PRPF8: variants seen among roughly 807,000 people sequenced by gnomAD.
PRPF8 encodes pre-mRNA-processing-splicing factor 8.
A neutral mutation model predicts 285.9 loss-of-function variants in PRPF8; 64 were observed. The ratio of observed to expected loss-of-function variants is 0.22; its 90% CI spans 0.18 to 0.28. The LOEUF is 0.28. PRPF8 is among the 10% of genes least tolerant of loss of function. The pLI, the probability that PRPF8 is intolerant of heterozygous loss-of-function variation, is 1.00. For synonymous variants in PRPF8, 1,325 were observed against 1,118.2 expected (o/e 1.18, Z -3.69); for missense variants, 1,426 against 3,026.7 (o/e 0.47, Z 12.41).
intron 24 of PRPF8, among the ~76,000 whole-genome samples, chr17:1,668,368 T>C (rs934868493): frequency 6.9e-6 from 1 of 145,542 alleles, no homozygotes. Flanking sequence ...TTTTTTTTTT[T>C]TTTTTTTTTT....
Position 1,650,791 on chromosome 17 carries a change from C to A in PRPF8, c.*11G>T, listed in dbSNP as rs767915818. The A allele has an allele frequency of 5.5e-5, 88 of 1,613,642 alleles. No individual in the cohort carries two copies. Among genetic ancestry groups the A allele is most frequent in the Middle Eastern group, 5.2e-4 (3 of 5,786 alleles). ...GGCCTCGGGAGGCTGAAGCAGGAGG[C>A]AGGGAAACGGTCAGGCATACAGGTC... On this transcript the variant is annotated 3_prime_UTR_variant, in exon 43 of 43. Transcript: ENST00000304992.
At position 1,675,850 on chromosome 17, in the gene PRPF8, A is replaced by G; in HGVS notation, c.2680-38T>C. 1 of 1,606,042 alleles carries G rather than the reference A, an allele frequency of 6.2e-7. No homozygotes were observed. The highest frequency in any genetic ancestry group is 8.5e-7 in the Non-Finnish European group (1 of 1,178,634). ...GAGGCTGGTTCACACCAATCCACCA[A>G]CTGCTACCTTTGGTAGAACCAAAGG... is the stretch of plus-strand genomic sequence containing the variant. On this transcript the variant is annotated intron_variant, in intron 18 of 42. Transcript: ENST00000304992. This position sits in a 1 kb window ranked among gnomAD's most constrained non-coding sequence, Gnocchi z 6.0.
chr17:1,669,267 T>C (rs1434377073), intron 24 of PRPF8, among the ~76,000 whole-genome samples: 16 of 152,038 alleles, frequency 1.1e-4, no homozygotes, highest in Admixed American at 9.2e-4. Context: ...CCACCGCGCC[T>C]GGCTAATTTT....
At chr17:1,657,114 C>T (rs1238580915) in intron 34 of PRPF8, among the ~76,000 whole-genome samples, 1 of 152,168 alleles carries the variant, frequency 6.6e-6, no homozygotes, top group Non-Finnish European at 1.5e-5. Context: ...GAGGGGAGTT[C>T]ATTCTAGAAA....
intron 36 of PRPF8, 65 bp downstream of exon 36, chr17:1,656,327 C>A (rs1365774564): frequency 1.2e-6 from 2 of 1,601,060 alleles, no homozygotes; most frequent in South Asian, 1.1e-5. Context: ...AAACCTGACA[C>A]AGGATCTTCT....
rs1162009923 is a variant in PRPF8, at chr17:1,650,814, G to A, written c.6996C>T (p.Asp2332=). 2 of 1,614,060 alleles carry A rather than the reference G, an allele frequency of 1.2e-6. No homozygotes were observed. Among genetic ancestry groups the A allele is most frequent in the East Asian group, 2.2e-5 (1 of 44,876 alleles). ...EGEVYSADRE[D]LYA ...GGCAGGGAAACGGTCAGGCATACAG[G>A]TCCTCCCGATCCGCAGAGTAAACCT... Residue 2332 remains aspartate, a synonymous_variant, in exon 43 of 43, where the codon GAC becomes GAT. Coordinates refer to ENST00000304992, the MANE Select transcript of PRPF8 (RefSeq NM_006445.4).
In PRPF8 at chr17:1,674,630, G is replaced by A. The variant is rs2151126908; in HGVS notation, c.3111C>T (p.Ala1037=). The A allele has an allele frequency of 1.2e-6, 2 of 1,614,106 alleles. No homozygotes were observed. The highest frequency in any genetic ancestry group is 8.5e-7 in the Non-Finnish European group (1 of 1,180,036). Residue 1037 remains alanine (A), a synonymous_variant, in exon 21 of 43, where the codon GCC becomes GCT. Coordinates refer to ENST00000304992, the MANE Select transcript of PRPF8 (RefSeq NM_006445.4). ...GGCCATAATACTGCACGATGAATGA[G>A]GCAAACTGCAGGCCTCTGATGATCC... is the stretch of plus-strand genomic sequence containing the variant. ...SYGIIRGLQF[A]SFIVQYYGLV... is the part of the protein sequence containing the mutation.
chr17:1,670,688 T>C (rs1296454257), intron 24 of PRPF8, among the ~76,000 whole-genome samples: 2 of 152,320 alleles, frequency 1.3e-5, no homozygotes, highest in Middle Eastern at 3.4e-3. Context: ...GGTTTCCCCA[T>C]GTTGGTCAGG....
intron 3 of PRPF8, 138 bp downstream of exon 3, chr17:1,683,395 A>G (rs575180621): frequency 1.1e-6 from 1 of 938,586 alleles, no homozygotes; most frequent in Non-Finnish European, 1.7e-6. Context: ...TGTAGAAATT[A>G]TCAGAGACTC....
chr17:1,684,621 G>A (rs1913139272), intron 1 of PRPF8, 39 bp from the exon 2 acceptor site: 2 of 1,590,388 alleles, frequency 1.3e-6, no homozygotes, highest in Non-Finnish European at 1.7e-6. Context: ...CTAACCACAG[G>A]CCCGGGCCCA....
At chr17:1,663,531 ACCCCCCGTCT>A (rs76118999) in intron 24 of PRPF8, among the ~76,000 whole-genome samples, 3,786 of 151,382 alleles carry the variant, frequency 0.025, 65 homozygotes, top group Middle Eastern at 0.041. Context: ...GCATGGTGAG[ACCCCCCGTCT>A]CTACTAAAAA....
intron 34 of PRPF8, among the ~76,000 whole-genome samples, chr17:1,657,403 T>C (rs1455854789): frequency 1.3e-5 from 2 of 152,116 alleles, no homozygotes; most frequent in Non-Finnish European, 2.9e-5. Context: ...CCCAGCACTT[T>C]GAGAGGCCAA....
Position 1,673,212 on chromosome 17 carries a change from C to G in PRPF8, c.3658-15G>C, listed in dbSNP as rs1226271078. On this transcript the variant is annotated splice_polypyrimidine_tract_variant and intron_variant, in intron 23 of 42. Transcript: ENST00000304992. This position sits in a 1 kb window ranked among gnomAD's most constrained non-coding sequence, Gnocchi z 5.5. ...TCCTTAGTAACCTAAACCACAAAGT[C>G]AAGGTTAACATGTCCGAGGAACTCC... 1 of 1,612,506 alleles carries G rather than the reference C, an allele frequency of 6.2e-7. No homozygotes were observed. The highest frequency in any genetic ancestry group is 8.5e-7 in the Non-Finnish European group (1 of 1,178,482).
At position 1,684,541 on chromosome 17, in the gene PRPF8, C is replaced by T. The variant is rs754172130; in HGVS notation, c.31G>A (p.Gly11Ser). ...GCTAGAGGGCCAGGCACCGGGTTACCCGGCCCTCGATAAGGAAACACTCCG... is the reference window on the plus strand; with the variant it reads ...GCTAGAGGGCCAGGCACCGGGTTACTCGGCCCTCGATAAGGAAACACTCCG... MAGVFPYRGP[G>S]NPVPGPLAPL... Residue 11 changes from glycine (G) to serine (S), a missense_variant, in exon 2 of 43, where the codon GGT becomes AGT. Gly to Ser is a moderately conservative substitution (Grantham distance 56). Coordinates refer to ENST00000304992, the MANE Select transcript of PRPF8 (RefSeq NM_006445.4). 1.2e-6 allele frequency: 2 copies of T among 1,612,608 alleles called. No homozygotes were observed. Among genetic ancestry groups the T allele is most frequent in the Non-Finnish European group, 8.5e-7 (1 of 1,179,870 alleles).
chr17:1,662,699 C>T (rs764978996), intron 24 of PRPF8, among the ~76,000 whole-genome samples: 1 of 150,196 alleles, frequency 6.7e-6, no homozygotes, highest in Non-Finnish European at 1.5e-5. Context: ...GTCAGGAGTT[C>T]AAGACCAGCC....
At chr17:1,652,756 C>T (rs895523056) in intron 39 of PRPF8, 1 of 139,378 alleles carries the variant, frequency 7.2e-6, no homozygotes, top group Non-Finnish European at 1.5e-5. Flanking sequence ...CGTCATGTTG[C>T]CCAGGCTGGT....
chr17:1,673,970 A>T lies in PRPF8; in HGVS notation c.3300-78T>A. On this transcript the variant is annotated intron_variant, in intron 21 of 42. Transcript: ENST00000304992. This position sits in a 1 kb window ranked among gnomAD's most constrained non-coding sequence, Gnocchi z 5.5. ...ACCCACAAGTCCTCCAGCTCAATAG[A>T]CGGAGACCCCACCCCATCCTACCCC... The T allele has an allele frequency of 6.5e-7, 1 of 1,536,478 alleles. No individual in the cohort carries two copies. The highest frequency in any genetic ancestry group is 8.9e-7 in the Non-Finnish European group (1 of 1,122,024).
rs376300847 is a variant in PRPF8 at position 1,679,237 on chromosome 17, G to A, written c.1410-31C>T. On this transcript the variant is annotated intron_variant, in intron 10 of 42. Transcript: ENST00000304992. The surrounding 1 kb of genome is among the most constrained non-coding windows in gnomAD (Gnocchi z 4.7). The stretch of plus-strand genomic sequence containing the variant: ...GTGGGAACATGGAGAGTAAGAGTCA[G>A]CCTACTGATATCTCTGGAACAGAAG... The A allele has an allele frequency of 3.1e-6, 5 of 1,614,102 alleles. No individual in the cohort carries two copies. In the African/African-American group the frequency reaches 6.7e-5, roughly 22 times the overall value.
chr17:1,680,886 A>G (rs1481394631), intron 7 of PRPF8, 43 bp downstream of exon 7: 1 of 1,614,200 alleles, frequency 6.2e-7, no homozygotes. Context: ...CAACCTAAAC[A>G]GCAGCCTTCT....
Sources: allele counts gnomAD v4.1 joint callset (sites outside exome capture counted in the v4.1 genomes callset), GRCh38; gene constraint gnomAD v4.1.1; non-coding constraint Gnocchi (gnomAD v3.1); transcripts MANE v1.5; gene names NCBI Gene and HGNC (gene_info 2026-07-23, HGNC 2026-07-21).